Variants in ADGRV1 observed in about 807,000 individuals in gnomAD.
The protein encoded by ADGRV1 is G-protein coupled receptor 98.
ADGRV1 carries 359 observed loss-of-function variants against 596.2 expected under a neutral mutation model. That is an observed-to-expected ratio of 0.60 (90% CI 0.55 to 0.66). The LOEUF (loss-of-function observed/expected upper bound fraction) is 0.66, where lower values mean the gene tolerates loss of function less well. ADGRV1 is among the 30% of genes least tolerant of loss of function. The pLI is 0.00. For missense variants in ADGRV1, 7,274 were observed against 7,575.6 expected, an observed-to-expected ratio of 0.96 and a Z score of 1.48; for synonymous variants, 2,681 against 2,679.2, an observed-to-expected ratio of 1.00 and a Z score of -0.02.
chr5:90,954,898 T>C (rs1239378175), intron 83 of ADGRV1, among the ~76,000 whole-genome samples: 1 of 152,200 alleles, frequency 6.6e-6, no homozygotes, highest in Non-Finnish European at 1.5e-5. Flanking sequence ...AATCTTTATG[T>C]TCCTCAAACA....
chr5:90,861,491 A>G (rs1182904858), intron 82 of ADGRV1, among the ~76,000 whole-genome samples: 1 of 151,670 alleles, frequency 6.6e-6, no homozygotes, highest in Non-Finnish European at 1.5e-5. Flanking sequence ...TTGTATTTTT[A>G]GTAGAGACAG....
chr5:90,953,683 CAT>C (rs1449301025), intron 83 of ADGRV1, among the ~76,000 whole-genome samples: 4 of 151,852 alleles, frequency 2.6e-5, no homozygotes, highest in Non-Finnish European at 5.9e-5. Context: ...AAGTTTAAAA[CAT>C]ATAAAAATTT....
chr5:90,926,867 A>C (rs1286012190), intron 83 of ADGRV1, among the ~76,000 whole-genome samples: 1 of 151,834 alleles, frequency 6.6e-6, no homozygotes, highest in Non-Finnish European at 1.5e-5. Context: ...GAACATCTTT[A>C]TTTCTTCCTT....
At chr5:91,016,739 T>C (rs1250993487) in intron 85 of ADGRV1, among the ~76,000 whole-genome samples, 1 of 151,978 alleles carries the variant, frequency 6.6e-6, no homozygotes, top group Non-Finnish European at 1.5e-5. Context: ...AGTCATTTAG[T>C]TCATTTTTTT....
intron 74 of ADGRV1, among the ~76,000 whole-genome samples, chr5:90,812,045 A>G (rs1762489556): frequency 6.6e-6 from 1 of 150,790 alleles, no homozygotes. Flanking sequence ...TCTCTGACTC[A>G]GCTTCCCGAG....
chr5:90,795,331 A>G (rs1405949982), intron 70 of ADGRV1, among the ~76,000 whole-genome samples: 1 of 152,108 alleles, frequency 6.6e-6, no homozygotes, highest in Non-Finnish European at 1.5e-5. Context: ...AGCGTCCACC[A>G]TGGCTGAGGC....
At chr5:90,932,557 A>C (rs1775339885) in intron 83 of ADGRV1, among the ~76,000 whole-genome samples, 1 of 152,224 alleles carries the variant, frequency 6.6e-6, no homozygotes, top group Non-Finnish European at 1.5e-5. Flanking sequence ...GAAAAACACA[A>C]TGTGTTTGAT....
At chr5:91,083,764 G>A (rs948728893) in intron 86 of ADGRV1, among the ~76,000 whole-genome samples, 3 of 152,064 alleles carry the variant, frequency 2.0e-5, no homozygotes, top group Non-Finnish European at 4.4e-5. Flanking sequence ...AGGCCACTAT[G>A]TCCCTGCTTA....
At chr5:90,568,399 A>G (rs1313673743) in intron 1 of ADGRV1, among the ~76,000 whole-genome samples, 1 of 151,990 alleles carries the variant, frequency 6.6e-6, no homozygotes, top group Non-Finnish European at 1.5e-5. Flanking sequence ...TGTGCTGTTT[A>G]ATTTCAACAT....
intron 85 of ADGRV1, among the ~76,000 whole-genome samples, chr5:91,019,208 G>A (rs1490258647): frequency 6.6e-6 from 1 of 151,948 alleles, no homozygotes; most frequent in East Asian, 1.9e-4. Context: ...CAGTTATGAT[G>A]AAATCACATG....
chr5:91,058,281 AT>A, intron 85 of ADGRV1, among the ~76,000 whole-genome samples: 1 of 152,156 alleles, frequency 6.6e-6, no homozygotes, highest in East Asian at 1.9e-4. Context: ...GAAGGAACTT[AT>A]TTTTTAAAGA....
At chr5:90,592,104 C>G (rs922346125) in intron 1 of ADGRV1, among the ~76,000 whole-genome samples, 1 of 152,156 alleles carries the variant, frequency 6.6e-6, no homozygotes, top group Non-Finnish European at 1.5e-5. Context: ...TCCAGCAGTC[C>G]CACTCCTGGG....
chr5:90,825,423 C>G (rs1763992207), intron 76 of ADGRV1, among the ~76,000 whole-genome samples: 1 of 151,968 alleles, frequency 6.6e-6, no homozygotes, highest in Non-Finnish European at 1.5e-5. Flanking sequence ...GACTATAAGA[C>G]TGTTAGCTGT....
chr5:90,680,912 G>T (rs927181211), intron 26 of ADGRV1, among the ~76,000 whole-genome samples: 10 of 152,156 alleles, frequency 6.6e-5, no homozygotes, highest in Non-Finnish European at 1.3e-4. Context: ...CCAAGAATCT[G>T]TTCCGCCAGA....
intron 79 of ADGRV1, among the ~76,000 whole-genome samples, chr5:90,852,626 T>A (rs1403467411): frequency 6.6e-6 from 1 of 152,168 alleles, no homozygotes; most frequent in African/African-American, 2.4e-5. Flanking sequence ...AATCTAGAAA[T>A]CTGTACTTTA....
At position 90,716,537 on chromosome 5, in the gene ADGRV1, C is replaced by T. The variant is rs727503077; in HGVS notation, c.9255C>T (p.Phe3085=). The stretch of plus-strand genomic sequence containing the variant: ...CATTTAACAACAGTGAGCACTTTTT[C>T]CTAAGAGAGCCAACAGCTCTCTACG... ...VLSFNNSEHF[F]LREPTALYVQ... is the part of the protein sequence containing the mutation. The change falls in exon 43 of 90, where the codon TTC becomes TTT. Residue 3085 remains phenylalanine (F), a synonymous_variant. Transcript: ENST00000405460. The T allele has an allele frequency of 6.2e-7, 1 of 1,611,984 alleles. No homozygotes were observed. The highest frequency in any genetic ancestry group is 2.2e-5 in the East Asian group (1 of 44,820).
chr5:91,060,400 T>TTATTTATTTA, intron 85 of ADGRV1, among the ~76,000 whole-genome samples: 1 of 22,838 alleles, frequency 4.4e-5, no homozygotes, highest in African/African-American at 1.3e-4. Flanking sequence ...ATATATATAT[T>TTATTTATTTA]TTTTTTTTTA....
At chr5:90,964,478 C>T (rs1778282504) in intron 83 of ADGRV1, among the ~76,000 whole-genome samples, 1 of 148,408 alleles carries the variant, frequency 6.7e-6, no homozygotes, top group African/African-American at 2.5e-5. Context: ...TATTATTGCT[C>T]CAAGTTTCCC....
At chr5:90,606,309 C>A (rs1200308587) in intron 1 of ADGRV1, among the ~76,000 whole-genome samples, 1 of 152,114 alleles carries the variant, frequency 6.6e-6, no homozygotes, top group Admixed American at 6.5e-5. Context: ...CTTCTCATTA[C>A]TCTAAGATGG....
Sources: allele counts gnomAD v4.1 joint callset (sites outside exome capture counted in the v4.1 genomes callset), GRCh38; gene constraint gnomAD v4.1.1; transcripts MANE v1.5; gene names NCBI Gene and HGNC (gene_info 2026-07-23, HGNC 2026-07-21).